The following SYNE1 variants were observed in gnomAD, a reference collection of about 807,000 sequenced individuals.
SYNE1 encodes the protein spectrin repeat containing nuclear envelope protein 1, also known as nesprin-1.
In SYNE1, 616 loss-of-function variants were observed where a neutral mutation model predicts 1,111.0. The ratio of observed to expected loss-of-function variants is 0.55; its 90% CI spans 0.52 to 0.59. The LOEUF (loss-of-function observed/expected upper bound fraction) is 0.59. Ranked by LOEUF, SYNE1 falls within the 20% of genes least tolerant of loss-of-function variation. The pLI, the probability that SYNE1 is intolerant of heterozygous loss-of-function variation, is 0.00. For missense variants in SYNE1, 10,006 were observed against 10,417.0 expected, an observed-to-expected ratio of 0.96 and a Z score of 1.72; for synonymous variants, 3,855 against 3,825.8, an observed-to-expected ratio of 1.01 and a Z score of -0.28.
rs794727577 is a variant in SYNE1 at position 152,433,882 on chromosome 6, CAG to C, written c.4372_4373del (p.Leu1458ValfsTer6). The C allele has an allele frequency of 2.5e-6, 4 of 1,613,706 alleles. No individual in the cohort carries two copies. The highest frequency in any genetic ancestry group is 3.4e-6 in the Non-Finnish European group (4 of 1,179,830). On this transcript the variant is annotated frameshift_variant, in exon 34 of 146. Transcript: ENST00000367255. LOFTEE classifies it high-confidence loss of function. ...TTTCTTTCTCAGTTATCCAGACGGA[CAG>C]AGTCTCAAAATTACTGCCAAAATGA... Reference protein sequence around the residue: ...WDHFGSNFETLSVWITEKEKE... With the variant: ...WDHFGSNFETXSVWITEKEKE...
At chr6:152,402,862 C>G (rs995955745) in intron 46 of SYNE1, among the ~76,000 whole-genome samples, 3 of 152,082 alleles carry the variant, frequency 2.0e-5, no homozygotes, top group African/African-American at 7.2e-5. Context: ...CTGTAAAAGT[C>G]CAACTGTTAA....
rs886061193 is a variant in SYNE1 at position 152,152,019 on chromosome 6, T to C, written c.24252A>G (p.Glu8084=). 1.5e-5 allele frequency: 25 copies of C among 1,614,204 alleles called. No individual in the cohort carries two copies. Among genetic ancestry groups the C allele is most frequent in the Non-Finnish European group, 2.1e-5 (25 of 1,180,032 alleles). ...SACSLKQMVH[E]GNQRWDNLQK... ...GCAGGTTGTCCCATCTCTGGTTGCC[T>C]TCGTGAACCATCTGTTTGAGGCTAC... The change falls in exon 134 of 146, where the codon GAA becomes GAG. Residue 8084 remains glutamate (E), a synonymous_variant. Transcript: ENST00000367255.
rs561030342 is a variant in SYNE1, at chr6:152,176,374, T to C, written c.23627+20A>G. On this transcript the variant is annotated intron_variant, in intron 130 of 145. Coordinates refer to ENST00000367255, the MANE Select transcript of SYNE1 (RefSeq NM_182961.4). ...TAAAATACTGCCCACACGTGCCCTA[T>C]TGACTCAGGTCCTCTTTACCTGGCT... 65 of 1,613,962 alleles carry C rather than the reference T, an allele frequency of 4.0e-5. No homozygotes were observed. In the East Asian group the frequency reaches 6.7e-4, roughly 17 times the overall value.
chr6:152,507,607 A>C (rs1223795836), intron 8 of SYNE1, among the ~76,000 whole-genome samples: 1 of 152,206 alleles, frequency 6.6e-6, no homozygotes, highest in African/African-American at 2.4e-5. Flanking sequence ...ACAGCATTTA[A>C]AGAAGTGATG....
At chr6:152,239,750 A>G (rs1303845075) in intron 107 of SYNE1, 44 bp from the exon 108 acceptor site, 1 of 1,611,076 alleles carries the variant, frequency 6.2e-7, no homozygotes, top group African/African-American at 1.3e-5. Context: ...TCATTCATAT[A>G]TTATGTTAGA....
intron 74 of SYNE1, among the ~76,000 whole-genome samples, chr6:152,343,021 A>T (rs941977481): frequency 7.9e-5 from 12 of 152,208 alleles, no homozygotes; most frequent in Admixed American, 5.2e-4. Flanking sequence ...ATACTTATAA[A>T]TGTCACTTTT....
Position 152,233,769 on chromosome 6 carries a change from T to C in SYNE1, c.20712+12A>G. 1 of 1,614,194 alleles carries C rather than the reference T, an allele frequency of 6.2e-7. No individual in the cohort carries two copies. Among genetic ancestry groups the C allele is most frequent in the Non-Finnish European group, 8.5e-7 (1 of 1,180,036 alleles). ...AGTCAGCTATTTCCCACGAAAGCAATCCTTTCTGTACCTGGTGGAGCTTCT... is the reference window on the plus strand; with the variant it reads ...AGTCAGCTATTTCCCACGAAAGCAACCCTTTCTGTACCTGGTGGAGCTTCT... On this transcript the variant is annotated intron_variant, in intron 112 of 145. Coordinates refer to ENST00000367255, the MANE Select transcript of SYNE1 (RefSeq NM_182961.4).
intron 3 of SYNE1, among the ~76,000 whole-genome samples, chr6:152,606,801 C>G (rs1292188724): frequency 1.3e-5 from 2 of 151,336 alleles, no homozygotes; most frequent in Non-Finnish European, 2.9e-5. Context: ...GCGCCCGCCA[C>G]CACGCCCGGC....
intron 77 of SYNE1, among the ~76,000 whole-genome samples, chr6:152,332,864 A>T (rs2096279633): frequency 6.6e-6 from 1 of 152,236 alleles, no homozygotes; most frequent in African/African-American, 2.4e-5. Flanking sequence ...AAGTATGAAA[A>T]GCAGGGTTGG....
chr6:152,632,763 G>A (rs899582151), intron 2 of SYNE1, among the ~76,000 whole-genome samples: 4 of 152,144 alleles, frequency 2.6e-5, no homozygotes. Context: ...GCCAAATTAG[G>A]TTTAATTTTA....
At chr6:152,560,045 C>G (rs1365328381) in intron 3 of SYNE1, among the ~76,000 whole-genome samples, 4 of 151,868 alleles carry the variant, frequency 2.6e-5, no homozygotes, top group Non-Finnish European at 4.4e-5. Flanking sequence ...TACAATCTAC[C>G]AAAACTGAAT....
chr6:152,143,544 T>G, intron 138 of SYNE1, 79 bp downstream of exon 138: 1 of 1,603,864 alleles, frequency 6.2e-7, no homozygotes, highest in African/African-American at 1.3e-5. Flanking sequence ...CATAAAGCCC[T>G]GATGCTGCAG....
chr6:152,559,743 A>G (rs2099388700), intron 3 of SYNE1, among the ~76,000 whole-genome samples: 1 of 152,134 alleles, frequency 6.6e-6, no homozygotes, highest in Non-Finnish European at 1.5e-5. Flanking sequence ...AGAAAGACTA[A>G]GCCCAAACTT....
In SYNE1 at chr6:152,239,723, A is replaced by T. The variant is rs542545053; in HGVS notation, c.19894-17T>A. On this transcript the variant is annotated splice_polypyrimidine_tract_variant and intron_variant, in intron 107 of 145. Transcript: ENST00000367255. ...AAAGTATTCCTGCAATTTTTCAGGA[A>T]GAAAGAAGTCAGCAACTCATTCATA... 2.4e-4 allele frequency: 394 copies of T among 1,614,104 alleles called. 6 individuals are homozygous for T. The South Asian group carries it at 4.2e-3, about 17-fold the overall frequency.
At chr6:152,139,833 G>C in intron 140 of SYNE1, 117 bp downstream of exon 140, 1 of 1,064,478 alleles carries the variant, frequency 9.4e-7, no homozygotes, top group Non-Finnish European at 1.4e-6. Flanking sequence ...ACTCATTTTT[G>C]TTAGATCCCT....
intron 46 of SYNE1, among the ~76,000 whole-genome samples, chr6:152,402,896 G>A (rs140368011): frequency 1.1e-4 from 16 of 152,198 alleles, no homozygotes; most frequent in Non-Finnish European, 2.1e-4. Context: ...CAACACAGGC[G>A]GCATGCATAA....
In SYNE1 at chr6:152,430,645, G is replaced by T; in HGVS notation, c.4526C>A (p.Ser1509Tyr). The change falls in exon 35 of 146, where the codon TCT becomes TAT. Residue 1509 changes from serine (S) to tyrosine (Y), a missense_variant. By Grantham distance (144) the Ser-to-Tyr change is moderately radical (BLOSUM62 -2). Transcript: ENST00000367255. ...SIVGLEEEAQ[S>Y]FAQFVTTGES... ...TCCAGTGGTAACAAACTGAGCAAAA[G>T]ACTGGGCTTCTTCTTCTAATCCTAC... is the stretch of plus-strand genomic sequence containing the variant. 6.2e-7 allele frequency: 1 copy of T among 1,614,110 alleles called. No homozygotes were observed. The highest frequency in any genetic ancestry group is 8.5e-7 in the Non-Finnish European group (1 of 1,179,998).
At chr6:152,239,840 C>T (rs529698952) in intron 107 of SYNE1, 134 bp from the exon 108 acceptor site, 1 of 928,880 alleles carries the variant, frequency 1.1e-6, no homozygotes, top group South Asian at 1.4e-5. Context: ...GGGTGGATTA[C>T]CTGAGGTCAA....
chr6:152,195,660 G>A lies in SYNE1; in HGVS notation c.23145+6164C>T, dbSNP rs142625882. ...CCTTATTTTCTCCCAAACAAACAGC[G>A]TCTCTTTCTCTGTGCTGAGTTCCCT... On this transcript the variant is annotated intron_variant, in intron 127 of 145. Coordinates refer to ENST00000367255, the MANE Select transcript of SYNE1 (RefSeq NM_182961.4). 4.7e-3 allele frequency among the ~76,000 whole-genome samples: 720 copies of A among 152,292 alleles called. 8 individuals carry two copies. Among genetic ancestry groups the A allele is most frequent in the Non-Finnish European group, 4.4e-3 (299 of 68,036 alleles).
Sources: allele counts gnomAD v4.1 joint callset (sites outside exome capture counted in the v4.1 genomes callset), GRCh38; gene constraint gnomAD v4.1.1; transcripts MANE v1.5; gene names NCBI Gene and HGNC (gene_info 2026-07-23, HGNC 2026-07-21).